ERCC6L2: variants seen among roughly 807,000 people sequenced by gnomAD.
ERCC6L2 encodes the protein ERCC excision repair 6 like 2.
A neutral mutation model predicts 132.0 loss-of-function variants in ERCC6L2; 77 were observed. The ratio of observed to expected loss-of-function variants is 0.58; its 90% CI spans 0.49 to 0.71. The LOEUF (loss-of-function observed/expected upper bound fraction) is 0.71. ERCC6L2 is among the 30% of genes least tolerant of loss of function. The pLI, the probability that ERCC6L2 is intolerant of heterozygous loss-of-function variation, is 0.00. For missense variants in ERCC6L2, 1,542 were observed against 1,837.6 expected (o/e 0.84, Z 2.94); for synonymous variants, 583 against 632.4 (o/e 0.92, Z 1.17).
chr9:95,914,144 A>G (rs1829468204), intron 4 of ERCC6L2, among the ~76,000 whole-genome samples: 1 of 152,180 alleles, frequency 6.6e-6, no homozygotes. Flanking sequence ...CATCCTTACC[A>G]ACACTTGATA....
Position 95,880,949 on chromosome 9 carries a change from A to G in ERCC6L2, c.127A>G (p.Thr43Ala). ...KLCEASIKSI[T>A]VDENGKSFAV... ...TTGTGAAGCAAGCATAAAATCTATC[A>G]CAGTGGATGAAAATGGCAAGTCATT... Residue 43 changes from threonine (T) to alanine (A), a missense_variant, in exon 2 of 19, where the codon ACA (threonine) becomes GCA (alanine). Thr to Ala is a moderately conservative substitution (Grantham distance 58). Transcript: ENST00000653738. The G allele has an allele frequency of 6.2e-7, 1 of 1,614,026 alleles. No homozygotes were observed.
chr9:95,923,111 T>G, intron 8 of ERCC6L2, 149 bp from the exon 9 acceptor site: 1 of 822,390 alleles, frequency 1.2e-6, no homozygotes, highest in Non-Finnish European at 1.8e-6. Flanking sequence ...CTTTAAGAGT[T>G]TTTGAATTCT....
At position 95,928,812 on chromosome 9, in the gene ERCC6L2, G is replaced by A; in HGVS notation, c.1699G>A (p.Val567Ile). The change falls in exon 11 of 19, where the codon GTA (valine) becomes ATA (isoleucine). Residue 567 changes from valine (V) to isoleucine (I), a missense_variant. Val to Ile is a conservative substitution (Grantham distance 29, BLOSUM62 3). Around this residue, in one of 4 missense-constraint regions of ERCC6L2, gnomAD observed 945 missense variants for 1,105.2 expected, o/e 0.86. Coordinates refer to ENST00000653738, the MANE Select transcript of ERCC6L2 (RefSeq NM_020207.7). ...STKSEERLKI[V>I]KEFNSTQDVN... ...AAAATCAGAGGAAAGACTCAAGATT[G>A]TAAAAGAGTTCAACAGTACACAAGA... The A allele has an allele frequency of 6.2e-7, 1 of 1,612,682 alleles. No homozygotes were observed. Among genetic ancestry groups the A allele is most frequent in the Non-Finnish European group, 8.5e-7 (1 of 1,179,284 alleles).
intron 3 of ERCC6L2, among the ~76,000 whole-genome samples, chr9:95,901,479 G>A (rs980617648): frequency 6.6e-6 from 1 of 152,138 alleles, no homozygotes; most frequent in African/African-American, 2.4e-5. Flanking sequence ...AAATTACTTG[G>A]CCATTATTTT....
chr9:95,972,494 C>T lies in ERCC6L2; in HGVS notation c.2743C>T (p.Pro915Ser). 7.8e-7 allele frequency: 1 copy of T among 1,289,626 alleles called. No homozygotes were observed. Among genetic ancestry groups the T allele is most frequent in the Non-Finnish European group, 1.0e-6 (1 of 988,820 alleles). 79.9% of individuals were successfully genotyped at this position (1,289,626 alleles called of 1,614,324 possible). The change falls in exon 16 of 19, where the codon CCC becomes TCC. Residue 915 changes from proline to serine, a missense_variant. By Grantham distance (74) the Pro-to-Ser change is moderately conservative. Transcript: ENST00000653738. ...TACACAATACACAACTGAGAGATTC[C>T]CCGACAATAGTATAAGGTTTAAGCC... The part of the protein sequence containing the change: ...CPTQYTTERF[P>S]DNSIRFKPPL...
At chr9:95,906,965 A>G in intron 3 of ERCC6L2, 113 bp from the exon 4 acceptor site, 1 of 694,808 alleles carries the variant, frequency 1.4e-6, no homozygotes. Context: ...TATTGTTACT[A>G]ACTAGATGTC....
chr9:95,980,521 T>G lies in ERCC6L2; in HGVS notation c.3492+2306T>G, dbSNP rs552305213. On this transcript the variant is annotated intron_variant, in intron 17 of 18. Coordinates refer to ENST00000653738, the MANE Select transcript of ERCC6L2 (RefSeq NM_020207.7). ...AGTAATTGATACAGCAAAATTTCAT[T>G]CTAACATTTCAAAGCTGTCTCACAG... Among the ~76,000 whole-genome samples the G allele has an allele frequency of 6.6e-5, 10 of 152,240 alleles. No homozygotes were observed. The South Asian group carries it at 1.7e-3, about 25-fold the overall frequency.
chr9:95,884,995 A>G (rs1827790143), intron 2 of ERCC6L2, among the ~76,000 whole-genome samples: 1 of 152,214 alleles, frequency 6.6e-6, no homozygotes, highest in Admixed American at 6.5e-5. Context: ...TAAATATGCA[A>G]CATACATAAT....
chr9:95,962,164 C>T (rs972422366), intron 13 of ERCC6L2, among the ~76,000 whole-genome samples: 2 of 152,096 alleles, frequency 1.3e-5, no homozygotes, highest in Non-Finnish European at 2.9e-5. Context: ...TAACCACACT[C>T]ATAATCTAGA....
Position 96,024,408 on chromosome 9 carries a change from AG to A in ERCC6L2, c.*1504-14467del, listed in dbSNP as rs573835608. The stretch of plus-strand genomic sequence containing the variant: ...AAGAGAGACCTCAACTTGCTTTCCT[AG>A]ATGGGACGTGGTGGCCCACGGCATC... On this transcript the variant is annotated intron_variant and NMD_transcript_variant, in intron 19 of 20. Coordinates refer to the ERCC6L2 transcript ENST00000670016. Among the ~76,000 whole-genome samples the A allele has an allele frequency of 4.7e-4, 71 of 152,372 alleles. 1 individual carries two copies. Among genetic ancestry groups the A allele is most frequent in the African/African-American group, 1.7e-3 (70 of 41,592 alleles).
intron 13 of ERCC6L2, among the ~76,000 whole-genome samples, chr9:95,959,735 T>G (rs915779419): frequency 4.7e-5 from 7 of 149,722 alleles, no homozygotes; most frequent in Non-Finnish European, 1.5e-5. Context: ...CAGACACTTC[T>G]CAAAAAAAAA....
rs1485367326 is a variant in ERCC6L2, at chr9:95,909,922, G to A, written c.788+2651G>A. 2.6e-5 allele frequency among the ~76,000 whole-genome samples: 4 copies of A among 152,242 alleles called. No homozygotes were observed. In the East Asian group the frequency reaches 5.8e-4, roughly 22 times the overall value. On this transcript the variant is annotated intron_variant, in intron 4 of 18. Coordinates refer to ENST00000653738, the MANE Select transcript of ERCC6L2 (RefSeq NM_020207.7). Reference sequence around the variant, plus strand: ...CAATGTGTGAGAGTTCAGTTGCTTCGTATTCTCAGCAACGTTTGGTATTGT... The same window carrying A: ...CAATGTGTGAGAGTTCAGTTGCTTCATATTCTCAGCAACGTTTGGTATTGT...
Position 95,916,338 on chromosome 9 carries a change from A to G in ERCC6L2, c.1062A>G (p.Arg354=). Residue 354 remains arginine (R), a synonymous_variant, in exon 6 of 19, where the codon CGA becomes CGG. Transcript: ENST00000653738. ...CAAAGAGAGAACTAGCCACTGGCCG[A>G]AAGGCCATGCAAAGACTTGCCAAAA... ...TATKRELATG[R]KAMQRLAKKM... The G allele has an allele frequency of 6.2e-7, 1 of 1,613,832 alleles. No individual in the cohort carries two copies.
chr9:96,037,193 G>A (rs11788050), intron 19 of ERCC6L2, among the ~76,000 whole-genome samples: 25,232 of 152,192 alleles, frequency 0.17, 2,188 homozygotes, highest in Middle Eastern at 0.27. Context: ...CACTTCTGGA[G>A]CTGGCCAGCC....
intron 14 of ERCC6L2, among the ~76,000 whole-genome samples, chr9:95,969,334 G>A (rs963969306): frequency 2.6e-5 from 4 of 152,218 alleles, no homozygotes; most frequent in Non-Finnish European, 4.4e-5. Flanking sequence ...TACAAGGACA[G>A]AAGCAAGAAG....
intron 2 of ERCC6L2, among the ~76,000 whole-genome samples, chr9:95,888,070 T>G (rs1398412524): frequency 6.7e-6 from 1 of 150,350 alleles, no homozygotes; most frequent in Non-Finnish European, 1.5e-5. Context: ...ACTTTGTGGT[T>G]TTTTTTTTTT....
chr9:96,014,262 T>C lies in ERCC6L2; in HGVS notation c.*1059T>C, dbSNP rs1390982605. On this transcript the variant is annotated 3_prime_UTR_variant, in exon 19 of 19. Transcript: ENST00000653738. ...ACCGCTGCAGCTGTCCTTCAGTTAG[T>C]TCACAGGGCTGCAAGAGGAGGACAC... is the stretch of plus-strand genomic sequence containing the variant. 1 of 152,212 alleles carries C rather than the reference T, an allele frequency of 6.6e-6. No homozygotes were observed. Among genetic ancestry groups the C allele is most frequent in the Non-Finnish European group, 1.5e-5 (1 of 68,052 alleles). 9.4% of individuals were successfully genotyped at this position (152,212 alleles called of 1,614,324 possible). A position where few individuals can be genotyped will look rare whatever the true frequency, so the allele number is the denominator to read the frequency against.
rs1192919892 is a variant in ERCC6L2, at chr9:95,966,666, C to G, written c.2052C>G (p.Leu684=). ...HQGELFGIHN[L]FKFRSQGSCL... ...GAGAGCTTTTTGGGATCCATAACCTCTTCAAATTTAGGTCCCAAGGGTCTT... is the reference window on the plus strand; with the variant it reads ...GAGAGCTTTTTGGGATCCATAACCTGTTCAAATTTAGGTCCCAAGGGTCTT... Residue 684 remains leucine, a synonymous_variant, in exon 14 of 19, where the codon CTC becomes CTG. Transcript: ENST00000653738. 6.6e-7 allele frequency: 1 copy of G among 1,521,074 alleles called. No individual in the cohort carries two copies. 94.2% of individuals were successfully genotyped at this position (1,521,074 alleles called of 1,614,324 possible).
At chr9:95,987,510 A>T (rs1833139957) in intron 17 of ERCC6L2, among the ~76,000 whole-genome samples, 2 of 152,196 alleles carry the variant, frequency 1.3e-5, no homozygotes, top group East Asian at 1.9e-4. Context: ...CTCCAAAATG[A>T]TCTCCTTGGA....
Sources: gnomAD v4.1 joint callset for allele counts (sites outside exome capture counted in the v4.1 genomes callset) on GRCh38, gnomAD v4.1.1 for gene constraint, gnomAD v4.1.1 regional missense constraint, MANE v1.5 for transcripts, NCBI Gene and HGNC (gene_info 2026-07-23, HGNC 2026-07-21) for gene names.